Variants in GRK4 observed in about 807,000 individuals in gnomAD.
The protein encoded by GRK4 is G protein-coupled receptor kinase 2-like.
In GRK4, 73 loss-of-function variants were observed where a neutral mutation model predicts 77.9. That is an observed-to-expected ratio of 0.94 (90% CI 0.78 to 1.14). The LOEUF is 1.14. Among genes scored for constraint, GRK4 ranks in the 50% most tolerant of loss-of-function variants. The probability of loss-of-function intolerance (pLI) is 0.00; values close to 1 mark genes in which losing one functional copy is unlikely to be tolerated. For missense variants in GRK4, 729 were observed against 700.2 expected, an observed-to-expected ratio of 1.04 and a Z score of -0.46; for synonymous variants, 257 against 254.4, an observed-to-expected ratio of 1.01 and a Z score of -0.10.
At chr4:2,997,920 A>AT in intron 4 of GRK4, among the ~76,000 whole-genome samples, 1 of 151,904 alleles carries the variant, frequency 6.6e-6, no homozygotes, top group East Asian at 1.9e-4. Context: ...AAAAAAAAAA[A>AT]AAAAAGTAAA....
chr4:3,016,484 C>CT (rs1450791418), intron 8 of GRK4, among the ~76,000 whole-genome samples: 2 of 139,116 alleles, frequency 1.4e-5, no homozygotes, highest in African/African-American at 2.9e-5. Flanking sequence ...CGCCATTGTA[C>CT]TCCAGCCTGT....
At chr4:2,988,671 T>C (rs1379377522) in intron 2 of GRK4, 56 bp from the exon 3 acceptor site, 3 of 887,398 alleles carry the variant, frequency 3.4e-6, no homozygotes, top group Admixed American at 1.7e-5. Flanking sequence ...TAGAACAGCA[T>C]GTGGTGGACT....
chr4:3,008,868 T>A (rs1161785303), intron 6 of GRK4, among the ~76,000 whole-genome samples: 4 of 152,122 alleles, frequency 2.6e-5, no homozygotes, highest in Admixed American at 6.6e-5. Context: ...ATTGATTGAT[T>A]AAATTTCCAG....
intron 4 of GRK4, among the ~76,000 whole-genome samples, chr4:2,999,780 A>G (rs1252212057): frequency 6.6e-6 from 1 of 152,204 alleles, no homozygotes; most frequent in Admixed American, 6.5e-5. Context: ...AAATAGATAA[A>G]CTGAACTTCA....
chr4:3,004,443 C>T (rs1730715001), intron 5 of GRK4, 109 bp downstream of exon 5: 5 of 651,682 alleles, frequency 7.7e-6, no homozygotes, highest in South Asian at 6.3e-5. Flanking sequence ...TGTAGTTGAC[C>T]CTTGAACAAC....
chr4:3,038,006 A>G (rs566101642), intron 14 of GRK4, among the ~76,000 whole-genome samples: 1 of 152,160 alleles, frequency 6.6e-6, no homozygotes, highest in African/African-American at 2.4e-5. Flanking sequence ...AGCTGTCCAG[A>G]AGCACAGCGG....
At position 2,988,755 on chromosome 4, in the gene GRK4, G is replaced by A. The variant is rs764058067; in HGVS notation, c.177G>A (p.Lys59=). The A allele has an allele frequency of 1.9e-6, 3 of 1,611,704 alleles. No individual in the cohort carries two copies. The highest frequency in any genetic ancestry group is 1.1e-5 in the South Asian group (1 of 91,064). The part of the protein sequence containing the change: ...IEKDYSSLCD[K]QPIGRRLFRQ... The stretch of plus-strand genomic sequence containing the variant: ...AGGATTATAGCAGTCTTTGTGACAA[G>A]CAACCGATAGGAAGACGTCTCTTCA... The change falls in exon 3 of 16, where the codon AAG becomes AAA. Residue 59 remains lysine (K), a synonymous_variant. Transcript: ENST00000398052.
chr4:2,996,463 G>A (rs1727947834), intron 4 of GRK4, among the ~76,000 whole-genome samples: 1 of 152,110 alleles, frequency 6.6e-6, no homozygotes, highest in East Asian at 1.9e-4. Context: ...GGTGAGGCAG[G>A]AGAATCGCTT....
Position 3,004,283 on chromosome 4 carries a change from TG to T in GRK4, c.395del (p.Gly132AspfsTer2), listed in dbSNP as rs749305030. 44 of 1,613,804 alleles carry T rather than the reference TG, an allele frequency of 2.7e-5. No individual in the cohort carries two copies. Among genetic ancestry groups the T allele is most frequent in the Non-Finnish European group, 3.6e-5 (43 of 1,179,828 alleles). The part of the protein sequence containing the change: ...IPPDVVTECR[L>X]GLKEENPSKK... The stretch of plus-strand genomic sequence containing the variant: ...CCAGATGTTGTGACAGAATGTAGAT[TG>T]GGACTGAAGGAGGAGAACCCTTCCA... On this transcript the variant is annotated frameshift_variant, in exon 5 of 16. Coordinates refer to ENST00000398052, the MANE Select transcript of GRK4 (RefSeq NM_182982.3). LOFTEE classifies it high-confidence loss of function.
At chr4:3,007,574 C>G (rs1341684642) in intron 5 of GRK4, among the ~76,000 whole-genome samples, 162 bp from the exon 6 acceptor site, 1 of 152,170 alleles carries the variant, frequency 6.6e-6, no homozygotes, top group Non-Finnish European at 1.5e-5. Flanking sequence ...TCACTTATAG[C>G]GTTAGAACCT....
intron 10 of GRK4, among the ~76,000 whole-genome samples, chr4:3,026,080 G>A (rs370444719): frequency 9.2e-5 from 14 of 152,226 alleles, no homozygotes; most frequent in Admixed American, 2.6e-4. Context: ...TTGGTGCCGC[G>A]ATGGAGAGCC....
At position 3,028,012 on chromosome 4, in the gene GRK4, G is replaced by C; in HGVS notation, c.1060+11G>C. 5 of 1,612,550 alleles carry C rather than the reference G, an allele frequency of 3.1e-6. No homozygotes were observed. In the Middle Eastern group the frequency reaches 5.0e-4, roughly 161 times the overall value. On this transcript the variant is annotated intron_variant, in intron 11 of 15. Coordinates refer to ENST00000398052, the MANE Select transcript of GRK4 (RefSeq NM_182982.3). ...CAGTCGGCTACATGGGTTCGTGAGA[G>C]GCTTTCGGCGTCCTTGTCCTTTCTA... is the stretch of plus-strand genomic sequence containing the variant.
At chr4:2,979,247 C>T (rs1372615406) in intron 1 of GRK4, among the ~76,000 whole-genome samples, 2 of 150,798 alleles carry the variant, frequency 1.3e-5, no homozygotes, top group Non-Finnish European at 3.0e-5. Flanking sequence ...AAAAAAAAAC[C>T]CCACAAATTA....
intron 1 of GRK4, chr4:2,971,251 A>G (rs1260394361): frequency 6.6e-6 from 1 of 152,232 alleles, no homozygotes; most frequent in Non-Finnish European, 1.5e-5. Context: ...AATTACTTCC[A>G]AAGTACAAAT....
intron 6 of GRK4, among the ~76,000 whole-genome samples, chr4:3,008,502 C>T (rs919258288): frequency 6.6e-6 from 1 of 152,162 alleles, no homozygotes; most frequent in South Asian, 2.1e-4. Flanking sequence ...AAAATAAGTG[C>T]TTAAAAAGTG....
chr4:3,013,625 CT>C, intron 7 of GRK4, 62 bp from the exon 8 acceptor site: 1 of 1,550,618 alleles, frequency 6.4e-7, no homozygotes, highest in Non-Finnish European at 8.7e-7. Flanking sequence ...AAAGAGCTTC[CT>C]TTGTGTGGCC....
chr4:2,972,528 G>T (rs935951581), intron 1 of GRK4, among the ~76,000 whole-genome samples: 4 of 152,038 alleles, frequency 2.6e-5, no homozygotes, highest in Non-Finnish European at 5.9e-5. Flanking sequence ...AAACCTGCGG[G>T]GGGGGGCCCT....
chr4:3,002,928 AAAAC>A (rs1730261970), intron 4 of GRK4, among the ~76,000 whole-genome samples: 1 of 152,152 alleles, frequency 6.6e-6, no homozygotes, highest in East Asian at 1.9e-4. Context: ...TTGTGATAAA[AAAAC>A]ACGTAACATG....
intron 8 of GRK4, among the ~76,000 whole-genome samples, chr4:3,016,810 A>C (rs1734680765): frequency 6.6e-6 from 1 of 152,202 alleles, no homozygotes. Context: ...AAAAGAACAG[A>C]AACAGTTGTT....
Sources: gnomAD v4.1 joint callset for allele counts (sites outside exome capture counted in the v4.1 genomes callset) on GRCh38, gnomAD v4.1.1 for gene constraint, MANE v1.5 for transcripts, NCBI Gene and HGNC (gene_info 2026-07-23, HGNC 2026-07-21) for gene names.